PCDHA6: variants seen among roughly 807,000 people sequenced by gnomAD.
PCDHA6 encodes the protein protocadherin alpha-6.
PCDHA6 carries 55 observed loss-of-function variants against 60.3 expected under a neutral mutation model. The ratio of observed to expected loss-of-function variants is 0.91; its 90% CI spans 0.73 to 1.14. PCDHA6 has a LOEUF of 1.14. Among genes scored for constraint, PCDHA6 ranks in the 50% most tolerant of loss-of-function variants. The pLI, the probability that PCDHA6 is intolerant of heterozygous loss-of-function variation, is 0.00. For synonymous variants in PCDHA6, 652 were observed against 557.9 expected (o/e 1.17, Z -2.38); for missense variants, 1,327 against 1,256.5 (o/e 1.06, Z -0.85).
chr5:140,899,936 T>G (rs1443562291), intron 1 of PCDHA6, among the ~76,000 whole-genome samples: 1 of 152,064 alleles, frequency 6.6e-6, no homozygotes, highest in Non-Finnish European at 1.5e-5. Flanking sequence ...GCCTCCTGAA[T>G]AGCTGGGACC....
At chr5:140,908,165 G>T (rs1422050863) in intron 1 of PCDHA6, among the ~76,000 whole-genome samples, 1 of 152,222 alleles carries the variant, frequency 6.6e-6, no homozygotes, top group African/African-American at 2.4e-5. Context: ...GGGCTGTAGT[G>T]CTGCAGCTGT....
chr5:140,830,654 A>T (rs1554132964), intron 1 of PCDHA6, 169 bp downstream of exon 1: 1 of 436,460 alleles, frequency 2.3e-6, no homozygotes, highest in African/African-American at 2.1e-5. Context: ...TTTAATATTC[A>T]TAATTTAAGT....
intron 1 of PCDHA6, among the ~76,000 whole-genome samples, chr5:140,957,571 G>A (rs2095367794): frequency 6.6e-6 from 1 of 152,068 alleles, no homozygotes; most frequent in African/African-American, 2.4e-5. Flanking sequence ...AGGGACTACT[G>A]TACTTTTAAC....
rs975637071 is a variant in PCDHA6 at position 141,011,970 on chromosome 5, C to A, written c.*2033C>A. On this transcript the variant is annotated 3_prime_UTR_variant, in exon 4 of 4. Transcript: ENST00000529310. ...AGCATTAAATTTAAAAAAAAACTGTCTTGTCTACTTTTAGCTTCATTCTCC... is the reference window on the plus strand; with the variant it reads ...AGCATTAAATTTAAAAAAAAACTGTATTGTCTACTTTTAGCTTCATTCTCC... 6.5e-6 allele frequency: 1 copy of A among 153,576 alleles called. No individual in the cohort carries two copies. The highest frequency in any genetic ancestry group is 6.6e-5 in the Admixed American group (1 of 15,252). The allele number at this position is 153,576 out of a possible 1,614,324, so 9.5% of individuals were successfully genotyped here. A position where few individuals can be genotyped will look rare whatever the true frequency, so the allele number is the denominator to read the frequency against.
chr5:140,841,597 C>A, intron 1 of PCDHA6: 1 of 1,614,076 alleles, frequency 6.2e-7, no homozygotes, highest in Admixed American at 1.7e-5. Flanking sequence ...GGATCGACCG[C>A]GAGGAGCTGT....
intron 1 of PCDHA6, among the ~76,000 whole-genome samples, chr5:140,912,376 G>A (rs2075897019): frequency 6.6e-6 from 1 of 151,474 alleles, no homozygotes; most frequent in African/African-American, 2.4e-5. Context: ...TTGTAAAAGG[G>A]ATTGAGTTCT....
chr5:140,923,139 A>G (rs1213586565), intron 1 of PCDHA6, among the ~76,000 whole-genome samples: 3 of 152,188 alleles, frequency 2.0e-5, no homozygotes, highest in Non-Finnish European at 2.9e-5. Context: ...TGAAGGTGGA[A>G]TATAAAAAAA....
chr5:140,954,615 C>A (rs782262504), intron 1 of PCDHA6, among the ~76,000 whole-genome samples: 16 of 151,806 alleles, frequency 1.1e-4, no homozygotes, highest in Non-Finnish European at 1.6e-4. Context: ...TTTTAATGGG[C>A]TTGTTTGGGT....
chr5:140,925,503 C>T (rs1210013790), intron 1 of PCDHA6, among the ~76,000 whole-genome samples: 1 of 151,978 alleles, frequency 6.6e-6, no homozygotes, highest in Non-Finnish European at 1.5e-5. Context: ...TCCCAATATC[C>T]ACGCAAAAGA....
intron 1 of PCDHA6, among the ~76,000 whole-genome samples, chr5:140,846,531 T>C (rs1780536785): frequency 6.7e-6 from 1 of 148,410 alleles, no homozygotes; most frequent in African/African-American, 2.5e-5. Flanking sequence ...CATGCCACCA[T>C]GCCCTGCTAA....
chr5:140,877,308 A>C lies in PCDHA6; in HGVS notation c.2394+46823A>C, dbSNP rs2057012120. ...ACGCTTGGCTGTCCTACGAGTTGCAACCGGCGGCGGTCGGCGCGCACATCC... is the reference window on the plus strand; with the variant it reads ...ACGCTTGGCTGTCCTACGAGTTGCACCCGGCGGCGGTCGGCGCGCACATCC... On this transcript the variant is annotated intron_variant, in intron 1 of 3. Coordinates refer to ENST00000529310, the MANE Select transcript of PCDHA6 (RefSeq NM_018909.4). The C allele has an allele frequency of 1.9e-6, 3 of 1,613,898 alleles. No individual in the cohort carries two copies. In the East Asian group the frequency reaches 6.7e-5, roughly 36 times the overall value.
At chr5:140,913,414 C>T (rs1451385869) in intron 1 of PCDHA6, among the ~76,000 whole-genome samples, 3 of 152,102 alleles carry the variant, frequency 2.0e-5, no homozygotes, top group African/African-American at 7.2e-5. Context: ...TGAATTCCTG[C>T]AGTATCAGTT....
At chr5:140,950,168 T>C (rs2094454639) in intron 1 of PCDHA6, among the ~76,000 whole-genome samples, 1 of 151,996 alleles carries the variant, frequency 6.6e-6, no homozygotes, top group Non-Finnish European at 1.5e-5. Context: ...TTATGTACTT[T>C]AGAGAATTAA....
At chr5:140,938,174 G>A (rs1394846002) in intron 1 of PCDHA6, among the ~76,000 whole-genome samples, 3 of 152,200 alleles carry the variant, frequency 2.0e-5, no homozygotes, top group Admixed American at 6.5e-5. Context: ...TGGAGCTCCT[G>A]GGCTCAAGCA....
At position 140,969,313 on chromosome 5, in the gene PCDHA6, G is replaced by A. The variant is rs2096317901; in HGVS notation, c.2395-9636G>A. 3.7e-6 allele frequency: 6 copies of A among 1,614,160 alleles called. No homozygotes were observed. In the East Asian group the frequency reaches 8.9e-5, roughly 24 times the overall value. ...GGAACCTGATTATTCTCAAAAATGAGGCTGTTTCTCAAAATGAGGTGAGAC... is the reference window on the plus strand; with the variant it reads ...GGAACCTGATTATTCTCAAAAATGAAGCTGTTTCTCAAAATGAGGTGAGAC... On this transcript the variant is annotated intron_variant, in intron 1 of 3. Coordinates refer to ENST00000529310, the MANE Select transcript of PCDHA6 (RefSeq NM_018909.4).
chr5:140,923,206 A>G (rs2081227659), intron 1 of PCDHA6, among the ~76,000 whole-genome samples: 1 of 152,172 alleles, frequency 6.6e-6, no homozygotes, highest in South Asian at 2.1e-4. Flanking sequence ...TTGGGAGGCT[A>G]AGGTGAAAGG....
chr5:140,877,668 C>T, intron 1 of PCDHA6: 1 of 1,613,568 alleles, frequency 6.2e-7, no homozygotes, highest in Non-Finnish European at 8.5e-7. Context: ...TGAGCCGGTG[C>T]GCGCCGGGCA....
rs782007386 is a variant in PCDHA6 at position 140,856,148 on chromosome 5, G to A, written c.2394+25663G>A. 6.9e-6 allele frequency: 11 copies of A among 1,598,220 alleles called. No homozygotes were observed. In the East Asian group the frequency reaches 2.0e-4, roughly 29 times the overall value. ...GGGGAGCGGCCAGCTCCACTACTCA[G>A]TCTACGAGGAGGCCAGACACGGCAC... On this transcript the variant is annotated intron_variant, in intron 1 of 3. Transcript: ENST00000529310.
intron 1 of PCDHA6, among the ~76,000 whole-genome samples, chr5:140,947,593 T>C (rs2094149533): frequency 1.3e-5 from 2 of 151,712 alleles, no homozygotes; most frequent in African/African-American, 2.4e-5. Context: ...TAGATCAATT[T>C]AGGGAAGATT....
Sources: gnomAD v4.1 joint callset for allele counts (sites outside exome capture counted in the v4.1 genomes callset) on GRCh38, gnomAD v4.1.1 for gene constraint, MANE v1.5 for transcripts, NCBI Gene and HGNC (gene_info 2026-07-23, HGNC 2026-07-21) for gene names.